CACNA1G: variants seen among roughly 807,000 people sequenced by gnomAD.
CACNA1G encodes the protein voltage-dependent T-type calcium channel subunit alpha-1G.
A neutral mutation model predicts 219.4 loss-of-function variants in CACNA1G; 67 were observed. The ratio of observed to expected loss-of-function variants is 0.31; its 90% CI spans 0.25 to 0.37. The LOEUF is 0.37. Ranked by LOEUF, CACNA1G falls within the 10% of genes least tolerant of loss-of-function variation. The pLI is 1.00. For missense variants in CACNA1G, 2,380 were observed against 3,231.4 expected (o/e 0.74, Z 6.39); for synonymous variants, 1,296 against 1,345.3 (o/e 0.96, Z 0.80).
intron 7 of CACNA1G, among the ~76,000 whole-genome samples, chr17:50,574,721 A>T (rs1003154822): frequency 1.3e-5 from 2 of 152,184 alleles, no homozygotes; most frequent in Admixed American, 6.5e-5. Flanking sequence ...AATTATCATA[A>T]TTACTAGGAC....
chr17:50,594,854 C>CCA, intron 13 of CACNA1G, 139 bp from the exon 14 acceptor site: 1 of 630,472 alleles, frequency 1.6e-6, no homozygotes, highest in East Asian at 2.8e-5. Flanking sequence ...TCTGCCCCCC[C>CCA]ATTCCCCGTG....
intron 36 of CACNA1G, 104 bp downstream of exon 36, chr17:50,624,179 G>A: frequency 7.0e-7 from 1 of 1,433,412 alleles, no homozygotes; most frequent in Admixed American, 1.9e-5. Context: ...AGCCAAAGAG[G>A]TATCTCTGAC....
At chr17:50,602,229 TCA>T (rs2046843654) in intron 19 of CACNA1G, among the ~76,000 whole-genome samples, 1 of 152,192 alleles carries the variant, frequency 6.6e-6, no homozygotes, top group African/African-American at 2.4e-5. Flanking sequence ...CTCTCTGTGC[TCA>T]CACCCTGCCC....
chr17:50,568,791 G>C, intron 1 of CACNA1G, 79 bp from the exon 2 acceptor site: 1 of 1,079,758 alleles, frequency 9.3e-7, no homozygotes, highest in Non-Finnish European at 1.4e-6. Flanking sequence ...GGAGGTAAAC[G>C]AGGAGGAGGT....
In CACNA1G at chr17:50,572,683, G is replaced by GGGCGGT; in HGVS notation, c.880_885dup (p.Gly294_Gly295dup). On this transcript the variant is annotated inframe_insertion, in exon 6 of 38. Transcript: ENST00000359106. ...GCGTGCCCACGCTGCGCGGGGACGG[G>GGGCGGT]GGCGGTGGCCCACCTTGCGGTCTGG... 1 of 1,612,728 alleles carries GGGCGGT rather than the reference G, an allele frequency of 6.2e-7. No homozygotes were observed. The highest frequency in any genetic ancestry group is 8.5e-7 in the Non-Finnish European group (1 of 1,179,384).
At chr17:50,602,075 C>T (rs2046801398) in intron 19 of CACNA1G, among the ~76,000 whole-genome samples, 1 of 152,226 alleles carries the variant, frequency 6.6e-6, no homozygotes, top group Non-Finnish European at 1.5e-5. Flanking sequence ...GCTGGCTGCA[C>T]TCCAGCCTTG....
rs1312851889 is a variant in CACNA1G, at chr17:50,596,193, G to A, written c.2980-369G>A. Among the ~76,000 whole-genome samples, 3 of 152,178 alleles carry A rather than the reference G, an allele frequency of 2.0e-5. No individual in the cohort carries two copies. The highest frequency in any genetic ancestry group is 7.2e-5 in the African/African-American group (3 of 41,444). On this transcript the variant is annotated intron_variant, in intron 14 of 37. Transcript: ENST00000359106. This position sits in a 1 kb window ranked among gnomAD's most constrained non-coding sequence, Gnocchi z 4.8. ...CCTCCAGTGAACTTTTGCAAGAGAG[G>A]CTCTAGTGACCACTTCACTCAGGTC...
intron 9 of CACNA1G, among the ~76,000 whole-genome samples, chr17:50,587,710 G>A (rs1259216146): frequency 6.6e-6 from 1 of 152,244 alleles, no homozygotes. Flanking sequence ...AGGCTGCCCT[G>A]CTTTTCCAGG....
At chr17:50,622,260 CCTT>C (rs2052342495) in intron 35 of CACNA1G, among the ~76,000 whole-genome samples, 1 of 151,254 alleles carries the variant, frequency 6.6e-6, no homozygotes, top group South Asian at 2.1e-4. Context: ...GCTGCCATGC[CCTT>C]CTTCACTTGG....
Position 50,590,480 on chromosome 17 carries a change from C to T in CACNA1G, c.2311C>T (p.Leu771Phe), listed in dbSNP as rs775607668. The change falls in exon 10 of 38, where the codon CTT becomes TTT. Residue 771 changes from leucine to phenylalanine, a missense_variant. Around this residue, in one of 17 missense-constraint regions of CACNA1G, gnomAD observed 82 missense variants for 140.7 expected, o/e 0.58. Transcript: ENST00000359106. Reference sequence around the variant, plus strand: ...CCACCCTGCCCTGCAGCCCGAGGAGCTTACCAACGCCCTAGAAATCAGCAA... The same window carrying T: ...CCACCCTGCCCTGCAGCCCGAGGAGTTTACCAACGCCCTAGAAATCAGCAA... ...GIEYHEQPEELTNALEISNIV... is the reference protein window; with the variant it reads ...GIEYHEQPEEFTNALEISNIV... 7 of 1,613,926 alleles carry T rather than the reference C, an allele frequency of 4.3e-6. No individual in the cohort carries two copies. The highest frequency in any genetic ancestry group is 5.9e-6 in the Non-Finnish European group (7 of 1,179,874).
chr17:50,593,057 T>A (rs1172539207), intron 13 of CACNA1G, among the ~76,000 whole-genome samples: 1 of 152,202 alleles, frequency 6.6e-6, no homozygotes, highest in Non-Finnish European at 1.5e-5. Flanking sequence ...CTTTTCAGTC[T>A]GTAGTTATCC....
At chr17:50,584,953 C>T (rs1364538673) in intron 9 of CACNA1G, among the ~76,000 whole-genome samples, 2 of 152,140 alleles carry the variant, frequency 1.3e-5, no homozygotes, top group African/African-American at 2.4e-5. Flanking sequence ...CTCTCTCTAG[C>T]GATACTCAGC....
Position 50,623,964 on chromosome 17 carries a change from G to A in CACNA1G, c.6118G>A (p.Gly2040Arg). The change falls in exon 36 of 38, where the codon GGG becomes AGG. Residue 2040 changes from glycine to arginine, a missense_variant. Around this residue, in one of 17 missense-constraint regions of CACNA1G, gnomAD observed 672 missense variants for 670.5 expected, o/e 1.00. Coordinates refer to ENST00000359106, the MANE Select transcript of CACNA1G (RefSeq NM_018896.5). ...GPDLLTVRKS[G>R]VSRTHSLPND... ...AGACTTACTGACTGTGCGGAAGTCT[G>A]GGGTCAGCCGAACGCACTCTCTGCC... 1 of 1,613,350 alleles carries A rather than the reference G, an allele frequency of 6.2e-7. No individual in the cohort carries two copies. The highest frequency in any genetic ancestry group is 8.5e-7 in the Non-Finnish European group (1 of 1,179,856).
intron 33 of CACNA1G, among the ~76,000 whole-genome samples, chr17:50,619,425 C>T (rs992195587): frequency 2.6e-5 from 4 of 152,164 alleles, no homozygotes; most frequent in African/African-American, 7.2e-5. Context: ...TCTCTCTCCC[C>T]CCGCCGTGGG....
At position 50,561,720 on chromosome 17, in the gene CACNA1G, C is replaced by G. The variant is rs767347680; in HGVS notation, c.242+19C>G. 2.0e-6 allele frequency: 3 copies of G among 1,536,488 alleles called. No homozygotes were observed. The African/African-American group carries it at 4.2e-5, about 21-fold the overall frequency. On this transcript the variant is annotated intron_variant, in intron 1 of 37. Coordinates refer to ENST00000359106, the MANE Select transcript of CACNA1G (RefSeq NM_018896.5). ...GTAACCCATATCCTTCGGGGCACGA[C>G]GGCCAGGCGCGGGGTCAGAAGGGGG...
rs1340912783 is a variant in CACNA1G, at chr17:50,598,023, TTTTC to T, written c.3258+1120_3258+1123del. ...TATTCCACAGTGCATGTATGCCATATTTTCTTTCTTTCTTTCTTTCTTTTCCTTT... is the reference window on the plus strand; with the variant it reads ...TATTCCACAGTGCATGTATGCCATATTTTCTTTCTTTCTTTCTTTTCCTTT... On this transcript the variant is annotated intron_variant, in intron 16 of 37. Transcript: ENST00000359106. Among the ~76,000 whole-genome samples, 9 of 152,284 alleles carry T rather than the reference TTTTC, an allele frequency of 5.9e-5. No individual in the cohort carries two copies. In the South Asian group the frequency reaches 1.9e-3, roughly 32 times the overall value.
chr17:50,595,878 T>A (rs975160276), intron 14 of CACNA1G, among the ~76,000 whole-genome samples: 2 of 152,228 alleles, frequency 1.3e-5, no homozygotes, highest in Non-Finnish European at 1.5e-5. Flanking sequence ...TATGTCCTTA[T>A]CAAAAGTAGC....
At chr17:50,585,573 T>C (rs1203171659) in intron 9 of CACNA1G, among the ~76,000 whole-genome samples, 1 of 152,080 alleles carries the variant, frequency 6.6e-6, no homozygotes, top group African/African-American at 2.4e-5. Flanking sequence ...AGCCTCTCCT[T>C]GGCACTGCCT....
intron 13 of CACNA1G, among the ~76,000 whole-genome samples, 160 bp downstream of exon 13, chr17:50,592,252 C>T (rs2044478992): frequency 1.3e-5 from 2 of 152,182 alleles, no homozygotes; most frequent in African/African-American, 4.8e-5. Context: ...GGGCGGGAGG[C>T]TCCAGATCTC....
Sources: gnomAD v4.1 joint callset for allele counts (sites outside exome capture counted in the v4.1 genomes callset) on GRCh38, gnomAD v4.1.1 for gene constraint, gnomAD v4.1.1 regional missense constraint, Gnocchi (gnomAD v3.1) non-coding constraint, MANE v1.5 for transcripts, NCBI Gene and HGNC (gene_info 2026-07-23, HGNC 2026-07-21) for gene names.